AFG2B: variants seen among roughly 807,000 people sequenced by gnomAD.
The protein encoded by AFG2B is ATPase family gene 2 protein homolog B.
At chr15:45,408,569 G>A in the AFG2B span, among the ~76,000 whole-genome samples, 4 of 152,188 alleles carry the variant, frequency 2.6e-5, no homozygotes, top group Non-Finnish European at 4.4e-5. Context: ...AGCCTCACAT[G>A]TAGAGGCACA....
the AFG2B span, chr15:45,415,491 G>GA: frequency 1.0e-6 from 1 of 960,038 alleles, no homozygotes; most frequent in East Asian, 2.8e-5. Context: ...GAGCAAGACT[G>GA]TCTCAAAAAA....
At chr15:45,402,971 G>C in the AFG2B span, 2 of 1,594,994 alleles carry the variant, frequency 1.3e-6, no homozygotes, top group South Asian at 1.1e-5. Context: ...GTCACCCCTC[G>C]TACCCGCGTC....
At chr15:45,407,089 G>C in the AFG2B span, 15 of 1,289,202 alleles carry the variant, frequency 1.2e-5, no homozygotes, top group Non-Finnish European at 1.4e-5. Context: ...TGTCGTCCCA[G>C]GGTGGAGCCC....
At chr15:45,410,389 G>A in the AFG2B span, 4 of 1,613,622 alleles carry the variant, frequency 2.5e-6, no homozygotes, top group South Asian at 4.4e-5. Flanking sequence ...ACAATCCTGT[G>A]ATTGATGAAA....
chr15:45,417,646 C>T, the AFG2B span: 21 of 361,042 alleles, frequency 5.8e-5, no homozygotes, highest in Non-Finnish European at 7.1e-5. Flanking sequence ...GTCTACTCAG[C>T]GTTATTTTGC....
the AFG2B span, chr15:45,416,855 T>C: frequency 6.5e-6 from 1 of 153,786 alleles, no homozygotes; most frequent in South Asian, 2.0e-4. Flanking sequence ...TCTTCCTCTT[T>C]AGGGATATGA....
At chr15:45,403,635 G>C in the AFG2B span, 3 of 1,327,756 alleles carry the variant, frequency 2.3e-6, no homozygotes, top group African/African-American at 3.0e-5. Flanking sequence ...GGTTGGAGTT[G>C]GGGCTCTTTG....
At chr15:45,405,256 TTAAAAA>T in the AFG2B span, 8 of 1,463,744 alleles carry the variant, frequency 5.5e-6, no homozygotes, top group Non-Finnish European at 7.3e-6. Flanking sequence ...GAGATCAACT[TTAAAAA>T]TAATATATTT....
At chr15:45,409,708 T>C in the AFG2B span, among the ~76,000 whole-genome samples, 4 of 150,726 alleles carry the variant, frequency 2.7e-5, no homozygotes, top group Admixed American at 2.0e-4. Flanking sequence ...AAAAAAAAAA[T>C]ATATATATTT....
the AFG2B span, chr15:45,402,406 G>C: frequency 3.8e-6 from 6 of 1,572,940 alleles, no homozygotes; most frequent in Non-Finnish European, 5.1e-6. Flanking sequence ...ATCTGGTTTC[G>C]TCTGCCTGGT....
At chr15:45,418,343 CA>C in the AFG2B span, among the ~76,000 whole-genome samples, 1,935 of 52,582 alleles carry the variant, frequency 0.037, 10 homozygotes, top group African/African-American at 0.083. Context: ...GACTCCATCT[CA>C]AAAAAAAAAA....
At chr15:45,405,185 C>T in the AFG2B span, 1 of 793,704 alleles carries the variant, frequency 1.3e-6, no homozygotes, top group Non-Finnish European at 1.9e-6. Flanking sequence ...GTCTTCATCC[C>T]CTCACCCCCA....
chr15:45,414,801 G>A, the AFG2B span: 1 of 1,588,908 alleles, frequency 6.3e-7, no homozygotes, highest in East Asian at 2.2e-5. Context: ...TTCCCCATAT[G>A]TTTAAATTTA....
the AFG2B span, chr15:45,402,680 C>T: frequency 8.3e-6 from 13 of 1,574,708 alleles, no homozygotes; most frequent in Admixed American, 1.1e-4. Flanking sequence ...CCCGGGGCGG[C>T]GGTCGGGGCG....
At chr15:45,409,704 A>T in the AFG2B span, among the ~76,000 whole-genome samples, 13 of 151,670 alleles carry the variant, frequency 8.6e-5, no homozygotes, top group African/African-American at 2.7e-4. Flanking sequence ...CTACAAAAAA[A>T]AAATATATAT....
chr15:45,419,047 G>C, the AFG2B span, among the ~76,000 whole-genome samples: 4 of 152,180 alleles, frequency 2.6e-5, no homozygotes, highest in Non-Finnish European at 5.9e-5. Flanking sequence ...CAGCTAAGAA[G>C]GGAAGGGGGA....
chr15:45,406,990 G>A, the AFG2B span: 1 of 1,277,600 alleles, frequency 7.8e-7, no homozygotes, highest in African/African-American at 1.5e-5. Flanking sequence ...CAGGAGATGG[G>A]AAGGGAGATT....
chr15:45,407,915 T>C, the AFG2B span, among the ~76,000 whole-genome samples: 1 of 152,188 alleles, frequency 6.6e-6, no homozygotes, highest in Non-Finnish European at 1.5e-5. Context: ...AAATATAACC[T>C]GAGAGTGAAG....
the AFG2B span, among the ~76,000 whole-genome samples, chr15:45,409,722 T>A: frequency 1.6e-4 from 25 of 152,000 alleles, no homozygotes; most frequent in African/African-American, 6.0e-4. Context: ...TATATTTTTT[T>A]AATTAGCCAG....
Sources: allele counts gnomAD v4.1 joint callset (sites outside exome capture counted in the v4.1 genomes callset), GRCh38; gene constraint gnomAD v4.1.1; transcripts MANE v1.5; gene names NCBI Gene and HGNC (gene_info 2026-07-23, HGNC 2026-07-21).